LIFR: variants seen among roughly 807,000 people sequenced by gnomAD.
LIFR encodes leukemia inhibitory factor receptor.
A neutral mutation model predicts 122.2 loss-of-function variants in LIFR; 84 were observed. The ratio of observed to expected loss-of-function variants is 0.69; its 90% CI spans 0.58 to 0.82. LIFR has a LOEUF of 0.82. LIFR is among the 40% of genes least tolerant of loss of function. The pLI, the probability that LIFR is intolerant of heterozygous loss-of-function variation, is 0.00. For synonymous variants in LIFR, 422 were observed against 434.7 expected (o/e 0.97, Z 0.36); for missense variants, 1,294 against 1,311.6 (o/e 0.99, Z 0.21).
intron 1 of LIFR, among the ~76,000 whole-genome samples, chr5:38,543,476 A>G (rs935692090): frequency 2.6e-5 from 4 of 152,192 alleles, no homozygotes; most frequent in Non-Finnish European, 5.9e-5. Context: ...CCTTTCACTC[A>G]ATAACAGTAA....
intron 7 of LIFR, among the ~76,000 whole-genome samples, 177 bp from the exon 8 acceptor site, chr5:38,506,809 A>C (rs770787907): frequency 6.6e-6 from 1 of 152,222 alleles, no homozygotes; most frequent in Non-Finnish European, 1.5e-5. Flanking sequence ...GTCAGAGTTC[A>C]TATTACATTA....
intron 2 of LIFR, among the ~76,000 whole-genome samples, chr5:38,529,382 GC>G (rs1299169602): frequency 6.6e-6 from 1 of 152,182 alleles, no homozygotes; most frequent in African/African-American, 2.4e-5. Flanking sequence ...CTACCAGACT[GC>G]CCCCTTGGTA....
chr5:38,543,909 T>C (rs973072520), intron 1 of LIFR, among the ~76,000 whole-genome samples: 2 of 152,186 alleles, frequency 1.3e-5, no homozygotes, highest in Admixed American at 6.5e-5. Context: ...TCTTGAACTA[T>C]GTCCAAAACT....
intron 1 of LIFR, among the ~76,000 whole-genome samples, chr5:38,583,479 G>T (rs1305371981): frequency 2.6e-5 from 4 of 152,070 alleles, no homozygotes; most frequent in Non-Finnish European, 4.4e-5. Flanking sequence ...TAAAGCTTCT[G>T]CACTGCAAAG....
At chr5:38,563,932 G>A (rs75228818) in intron 1 of LIFR, among the ~76,000 whole-genome samples, 5,119 of 152,214 alleles carry the variant, frequency 0.034, 223 homozygotes, top group African/African-American at 0.097. Flanking sequence ...CACCTACACC[G>A]TAGTGCCGCT....
At chr5:38,491,352 C>G (rs1272042044) in intron 14 of LIFR, among the ~76,000 whole-genome samples, 1 of 152,054 alleles carries the variant, frequency 6.6e-6, no homozygotes, top group Non-Finnish European at 1.5e-5. Flanking sequence ...GACAGACGAA[C>G]AAGGGTAACC....
intron 1 of LIFR, among the ~76,000 whole-genome samples, chr5:38,563,490 G>A (rs977102734): frequency 1.3e-5 from 2 of 152,200 alleles, no homozygotes; most frequent in Non-Finnish European, 2.9e-5. Context: ...CTTTACAGGT[G>A]AAGAGACCAA....
At chr5:38,567,533 T>TATTC (rs1425993736) in intron 1 of LIFR, among the ~76,000 whole-genome samples, 1 of 150,184 alleles carries the variant, frequency 6.7e-6, no homozygotes. Flanking sequence ...TTTATTTATT[T>TATTC]ATTTATTTAT....
chr5:38,576,854 GCA>G (rs1272112934), intron 1 of LIFR, among the ~76,000 whole-genome samples: 2 of 152,178 alleles, frequency 1.3e-5, no homozygotes, highest in African/African-American at 4.8e-5. Context: ...CACATTCAAA[GCA>G]CAGAGTTGTG....
intron 1 of LIFR, among the ~76,000 whole-genome samples, chr5:38,537,521 G>A (rs1747355892): frequency 6.6e-6 from 1 of 152,172 alleles, no homozygotes; most frequent in African/African-American, 2.4e-5. Context: ...TTTTAACGAT[G>A]AAGTGCTCTA....
At chr5:38,522,957 G>C (rs1162919368) in intron 5 of LIFR, among the ~76,000 whole-genome samples, 1 of 151,790 alleles carries the variant, frequency 6.6e-6, no homozygotes, top group Non-Finnish European at 1.5e-5. Flanking sequence ...TCATAAACAG[G>C]AATGAAAAAA....
intron 7 of LIFR, among the ~76,000 whole-genome samples, chr5:38,507,823 T>C (rs901708958): frequency 6.6e-6 from 1 of 152,108 alleles, no homozygotes; most frequent in African/African-American, 2.4e-5. Context: ...AACCAAAACT[T>C]GGAAAATTTC....
intron 12 of LIFR, among the ~76,000 whole-genome samples, chr5:38,497,606 G>A (rs569181560): frequency 6.6e-6 from 1 of 151,924 alleles, no homozygotes; most frequent in South Asian, 2.1e-4. Flanking sequence ...CAGAAAATTT[G>A]GAAAATATAT....
At chr5:38,519,991 T>C (rs1317515362) in intron 5 of LIFR, among the ~76,000 whole-genome samples, 2 of 152,178 alleles carry the variant, frequency 1.3e-5, no homozygotes, top group Admixed American at 6.5e-5. Flanking sequence ...TACCCAGAAG[T>C]GGGACTGCTG....
At position 38,604,578 on chromosome 5, in the gene LIFR, G is replaced by A. The variant is rs541017383; in HGVS notation, n.305+1627C>T. ...AAAAATTAGCTGGTGGTGGGCACCT[G>A]TAATCTCAGCTACCCGGGAGGCTGA... On this transcript the variant is annotated intron_variant and non_coding_transcript_variant, in intron 2 of 3. Coordinates refer to the LIFR transcript ENST00000507786. 3.0e-4 allele frequency among the ~76,000 whole-genome samples: 45 copies of A among 152,148 alleles called. 1 individual carries two copies. Among genetic ancestry groups the A allele is most frequent in the Admixed American group, 2.6e-3 (40 of 15,292 alleles).
intron 13 of LIFR, 87 bp downstream of exon 13, chr5:38,496,295 G>A: frequency 9.4e-7 from 1 of 1,062,562 alleles, no homozygotes; most frequent in South Asian, 1.3e-5. Flanking sequence ...ACGAGAAGAA[G>A]GCTGACATGA....
intron 13 of LIFR, 129 bp from the exon 14 acceptor site, chr5:38,493,914 A>G: frequency 1.3e-6 from 1 of 753,694 alleles, no homozygotes; most frequent in Non-Finnish European, 2.3e-6. Context: ...CTCAAACTAG[A>G]TAAACCTAGA....
At chr5:38,568,542 A>G (rs1339139295) in intron 1 of LIFR, among the ~76,000 whole-genome samples, 2 of 152,212 alleles carry the variant, frequency 1.3e-5, no homozygotes, top group Admixed American at 1.3e-4. Context: ...GATTTGGAGC[A>G]TGAATCCCTC....
At chr5:38,530,271 G>A (rs924277026) in intron 2 of LIFR, among the ~76,000 whole-genome samples, 3 of 151,896 alleles carry the variant, frequency 2.0e-5, no homozygotes, top group South Asian at 2.1e-4. Context: ...TCTTAAAAAG[G>A]CAAATTTTAT....
Sources: allele counts gnomAD v4.1 joint callset (sites outside exome capture counted in the v4.1 genomes callset), GRCh38; gene constraint gnomAD v4.1.1; transcripts MANE v1.5; gene names NCBI Gene and HGNC (gene_info 2026-07-23, HGNC 2026-07-21).